The following ZNF395 variants were observed in gnomAD, a reference collection of about 807,000 sequenced individuals.
ZNF395 encodes HD gene regulatory region-binding protein 2.
ZNF395 carries 20 observed loss-of-function variants against 57.7 expected under a neutral mutation model. The observed-to-expected ratio is 0.35, with a 90% confidence interval of 0.24 to 0.50. The LOEUF is 0.50. Among genes scored for constraint, ZNF395 ranks in the 20% least tolerant of loss-of-function variants. The probability of loss-of-function intolerance (pLI) is 0.97; values close to 1 mark genes in which losing one functional copy is unlikely to be tolerated. For missense variants in ZNF395, 606 were observed against 671.2 expected (o/e 0.90, Z 1.07); for synonymous variants, 295 against 275.9 (o/e 1.07, Z -0.69).
chr8:28,361,263 T>C lies in ZNF395; in HGVS notation c.-58-81A>G, dbSNP rs1801846450. 4.2e-5 allele frequency: 48 copies of C among 1,153,380 alleles called. No individual in the cohort carries two copies. In the South Asian group the frequency reaches 6.6e-4, roughly 16 times the overall value. The allele number at this position is 1,153,380 out of a possible 1,614,324, so 71.4% of individuals were successfully genotyped here. A position where few individuals can be genotyped will look rare whatever the true frequency, so the allele number is the denominator to read the frequency against. On this transcript the variant is annotated intron_variant, in intron 1 of 9. Transcript: ENST00000344423. ...GGTCTACTAAAATAAGTGAACCCTT[T>C]AAAGTCAACTTCTAGCATCCTTCCC...
chr8:28,360,042 C>G (rs892464951), intron 2 of ZNF395, among the ~76,000 whole-genome samples: 1 of 152,228 alleles, frequency 6.6e-6, no homozygotes, highest in African/African-American at 2.4e-5. Context: ...TATCAGCTCT[C>G]TAGACTGGCA....
chr8:28,350,948 C>T lies in ZNF395; in HGVS notation c.1233+547G>A, dbSNP rs1450736119. ...TTGGTCCCTCTGGTACCTACAACAC[C>T]TTCTCATGCCTCTAGTAATTAGTAC... On this transcript the variant is annotated intron_variant, in intron 7 of 9. Coordinates refer to ENST00000344423, the MANE Select transcript of ZNF395 (RefSeq NM_018660.3). 2.6e-5 allele frequency among the ~76,000 whole-genome samples: 4 copies of T among 152,178 alleles called. No individual in the cohort carries two copies. In the East Asian group the frequency reaches 7.7e-4, roughly 29 times the overall value.
chr8:28,352,335 C>G lies in ZNF395; in HGVS notation c.920+238G>C, dbSNP rs750970942. Among the ~76,000 whole-genome samples the G allele has an allele frequency of 6.6e-6, 1 of 152,226 alleles. No homozygotes were observed. Among genetic ancestry groups the G allele is most frequent in the Non-Finnish European group, 1.5e-5 (1 of 68,032 alleles). ...CCGTTTCTACCCAGAACTAAAACAT[C>G]TTGCTTCCTGCAATGAGGCAAGAAG... On this transcript the variant is annotated intron_variant, in intron 6 of 9. Transcript: ENST00000344423. The surrounding 1 kb of genome is among the most constrained non-coding windows in gnomAD (Gnocchi z 4.0).
chr8:28,359,705 C>G lies in ZNF395; in HGVS notation c.360G>C (p.Glu120Asp), dbSNP rs1457172668. The G allele has an allele frequency of 6.2e-7, 1 of 1,614,106 alleles. No individual in the cohort carries two copies. The highest frequency in any genetic ancestry group is 1.7e-5 in the Admixed American group (1 of 60,030). ...EQKLQVCCRV[E>D]EVWLAELQGP... Reference sequence around the variant, plus strand: ...CCTGCAGCTCTGCCAGCCACACCTCCTCCACCCTGCAGCAGACCTGCAGCT... The same window carrying G: ...CCTGCAGCTCTGCCAGCCACACCTCGTCCACCCTGCAGCAGACCTGCAGCT... Residue 120 changes from glutamate (E) to aspartate (D), a missense_variant, in exon 3 of 10, where the codon GAG becomes GAC. This residue lies in a region of ZNF395 where 309 missense variants were observed against 374.7 expected (regional missense o/e 0.82). Coordinates refer to ENST00000344423, the MANE Select transcript of ZNF395 (RefSeq NM_018660.3). This position sits in a 1 kb window ranked among gnomAD's most constrained non-coding sequence, Gnocchi z 4.7.
At chr8:28,377,640 T>C (rs192662267) in intron 1 of ZNF395, among the ~76,000 whole-genome samples, 8 of 151,698 alleles carry the variant, frequency 5.3e-5, no homozygotes, top group Admixed American at 5.3e-4. Context: ...GGAGGAGACA[T>C]TCAAGGTCAC....
chr8:28,366,354 A>C (rs944743435), intron 1 of ZNF395, among the ~76,000 whole-genome samples: 1 of 152,172 alleles, frequency 6.6e-6, no homozygotes, highest in Non-Finnish European at 1.5e-5. Flanking sequence ...ATCTTTTATC[A>C]GAAAAGTGCC....
chr8:28,368,116 A>C (rs1203230959), intron 1 of ZNF395, among the ~76,000 whole-genome samples: 3 of 152,172 alleles, frequency 2.0e-5, no homozygotes, highest in Non-Finnish European at 4.4e-5. Flanking sequence ...ACCACATGAC[A>C]GTTCCAGAAG....
At chr8:28,376,260 T>C (rs1392742763) in intron 1 of ZNF395, among the ~76,000 whole-genome samples, 4 of 152,032 alleles carry the variant, frequency 2.6e-5, no homozygotes, top group African/African-American at 9.7e-5. Flanking sequence ...ACAGGTAGTC[T>C]CAAAGTGCTT....
chr8:28,367,281 G>A (rs1449704528), intron 1 of ZNF395, among the ~76,000 whole-genome samples: 1 of 152,114 alleles, frequency 6.6e-6, no homozygotes, highest in African/African-American at 2.4e-5. Flanking sequence ...TTTTCTTGAT[G>A]GCATACCCTA....
intron 7 of ZNF395, 87 bp from the exon 8 acceptor site, chr8:28,350,243 C>G (rs761780422): frequency 2.3e-4 from 266 of 1,131,980 alleles, no homozygotes; most frequent in Non-Finnish European, 3.0e-4. Context: ...ATGACAGCAG[C>G]AGAAGGTGCA....
rs779423873 is a variant in ZNF395 at position 28,353,287 on chromosome 8, G to A, written c.705C>T (p.Pro235=). 1 of 1,610,946 alleles carries A rather than the reference G, an allele frequency of 6.2e-7. No individual in the cohort carries two copies. The highest frequency in any genetic ancestry group is 1.1e-5 in the South Asian group (1 of 90,802). ...SGVSTPSPPH[P]QASPKYLGDA... is the part of the protein sequence containing the mutation. ...CCCCCAAATACTTGGGGCTGGCCTG[G>A]GGGTGGGGGGGCGAGGGGGTGGAGA... The change falls in exon 5 of 10, where the codon CCC becomes CCT. Residue 235 remains proline (P), a synonymous_variant. Transcript: ENST00000344423.
chr8:28,366,237 G>A (rs556960070), intron 1 of ZNF395, among the ~76,000 whole-genome samples: 25 of 152,276 alleles, frequency 1.6e-4, no homozygotes, highest in African/African-American at 6.0e-4. Context: ...TCAGTTCTCT[G>A]CTAAACTCAG....
chr8:28,359,686 G>C lies in ZNF395; in HGVS notation c.379C>G (p.Leu127Val), dbSNP rs1176335356. 5 of 1,613,876 alleles carry C rather than the reference G, an allele frequency of 3.1e-6. No individual in the cohort carries two copies. The African/African-American group carries it at 6.7e-5, about 22-fold the overall frequency. ...GGTGCCTGGGGACAGGGGCCCTGCA[G>C]CTCTGCCAGCCACACCTCCTCCACC... ...CRVEEVWLAE[L>V]QGPCPQAPPL... Residue 127 changes from leucine (L) to valine (V), a missense_variant, in exon 3 of 10, where the codon CTG becomes GTG. Coordinates refer to ENST00000344423, the MANE Select transcript of ZNF395 (RefSeq NM_018660.3). This position sits in a 1 kb window ranked among gnomAD's most constrained non-coding sequence, Gnocchi z 4.7.
Position 28,348,784 on chromosome 8 carries a change from C to A in ZNF395, c.1477G>T (p.Glu493Ter). ...AKKCRKVYGIEHRDQWCTACR... is the reference protein window; with the variant it reads ...AKKCRKVYGI ...GCCGTGCACCACTGGTCCCGGTGCTCGATGCCATACACCTTGCGGCACTTC... is the reference window on the plus strand; with the variant it reads ...GCCGTGCACCACTGGTCCCGGTGCTAGATGCCATACACCTTGCGGCACTTC... The change falls in exon 10 of 10, where the codon GAG becomes TAG. Residue 493 changes from glutamate to a stop codon, truncating the protein, a stop_gained. Transcript: ENST00000344423. LOFTEE classifies it high-confidence loss of function. 1 of 1,614,092 alleles carries A rather than the reference C, an allele frequency of 6.2e-7. No homozygotes were observed. Among genetic ancestry groups the A allele is most frequent in the South Asian group, 1.1e-5 (1 of 91,088 alleles).
In ZNF395 at chr8:28,345,666, T is replaced by TA. The variant is rs1313672646; in HGVS notation, c.*3052dup. 4.6e-5 allele frequency: 7 copies of TA among 152,166 alleles called. No individual in the cohort carries two copies. Among genetic ancestry groups the TA allele is most frequent in the Non-Finnish European group, 1.0e-4 (7 of 67,970 alleles). The allele number at this position is 152,166 out of a possible 1,614,324, so 9.4% of individuals were successfully genotyped here. A position where few individuals can be genotyped will look rare whatever the true frequency, so the allele number is the denominator to read the frequency against. On this transcript the variant is annotated 3_prime_UTR_variant, in exon 10 of 10. Transcript: ENST00000344423. ...GTAAAAACATTACATTTCACATTTTTAAAAAATTTTTTAACAGTAAAAATA... is the reference window on the plus strand; with the variant it reads ...GTAAAAACATTACATTTCACATTTTTAAAAAAATTTTTTAACAGTAAAAATA...
chr8:28,354,231 A>C (rs571941905), intron 4 of ZNF395, among the ~76,000 whole-genome samples: 5 of 152,206 alleles, frequency 3.3e-5, no homozygotes, highest in African/African-American at 1.2e-4. Context: ...AGACATGGAG[A>C]ATCTTCCGTT....
intron 3 of ZNF395, among the ~76,000 whole-genome samples, chr8:28,357,350 G>A (rs1801793993): frequency 6.6e-6 from 1 of 152,080 alleles, no homozygotes. Context: ...CCAAGCCAAT[G>A]TGCAAATAAA....
intron 7 of ZNF395, 84 bp downstream of exon 7, chr8:28,351,411 T>A: frequency 6.9e-7 from 1 of 1,451,968 alleles, no homozygotes; most frequent in Non-Finnish European, 9.2e-7. Flanking sequence ...CAGCCTTCCA[T>A]CAGGGTGGTC....
At chr8:28,351,850 C>T in intron 6 of ZNF395, 43 bp from the exon 7 acceptor site, 1 of 1,505,214 alleles carries the variant, frequency 6.6e-7, no homozygotes, top group South Asian at 1.3e-5. Flanking sequence ...GCACCCTGCC[C>T]CCTTCAAACC....
Sources: gnomAD v4.1 joint callset for allele counts (sites outside exome capture counted in the v4.1 genomes callset) on GRCh38, gnomAD v4.1.1 for gene constraint, gnomAD v4.1.1 regional missense constraint, Gnocchi (gnomAD v3.1) non-coding constraint, MANE v1.5 for transcripts, NCBI Gene and HGNC (gene_info 2026-07-23, HGNC 2026-07-21) for gene names.